The following DYRK4 variants were observed in gnomAD, a reference collection of about 807,000 sequenced individuals.
DYRK4 encodes the protein dual specificity tyrosine phosphorylation regulated kinase 4.
DYRK4 carries 64 observed loss-of-function variants against 68.3 expected under a neutral mutation model. The ratio of observed to expected loss-of-function variants is 0.94; its 90% confidence interval spans 0.77 to 1.15. The LOEUF (loss-of-function observed/expected upper bound fraction) is 1.15. DYRK4 is among the 50% of genes most tolerant of loss of function. The pLI, the probability that DYRK4 is intolerant of heterozygous loss-of-function variation, is 0.00. For missense variants in DYRK4, 740 were observed against 764.7 expected, an observed-to-expected ratio of 0.97 and a Z score of 0.38; for synonymous variants, 274 against 289.9, an observed-to-expected ratio of 0.95 and a Z score of 0.56.
intron 13 of DYRK4, among the ~76,000 whole-genome samples, chr12:4,611,024 T>C (rs1211337402): frequency 3.9e-5 from 6 of 152,218 alleles, no homozygotes; most frequent in Admixed American, 3.9e-4. Context: ...TGGGCCTCAG[T>C]GTTCTTTCCT....
intron 4 of DYRK4, 160 bp downstream of exon 4, chr12:4,590,600 G>A (rs1347264948): frequency 7.4e-7 from 1 of 1,342,934 alleles, no homozygotes; most frequent in Non-Finnish European, 9.5e-7. Context: ...CTATAAGCTT[G>A]AGCAAATAAG....
Position 4,591,416 on chromosome 12 carries a change from G to A in DYRK4, c.463+118G>A. ...GGTGTCAGAGTAGTCAAAGAAGGCA[G>A]CCAGCCAAGAGGAAAGTAGAAGTTA... On this transcript the variant is annotated intron_variant, in intron 5 of 14. Coordinates refer to ENST00000543431, the MANE Select transcript of DYRK4 (RefSeq NM_001394779.1). This position sits in a 1 kb window ranked among gnomAD's most constrained non-coding sequence, Gnocchi z 4.1. 7.1e-7 allele frequency: 1 copy of A among 1,399,406 alleles called. No individual in the cohort carries two copies. The highest frequency in any genetic ancestry group is 2.4e-5 in the East Asian group (1 of 42,304). 86.7% of individuals were successfully genotyped at this position (1,399,406 alleles called of 1,614,324 possible). A position where few individuals can be genotyped will look rare whatever the true frequency, so the allele number is the denominator to read the frequency against.
intron 3 of DYRK4, among the ~76,000 whole-genome samples, chr12:4,589,786 ATCAG>A (rs2137359999): frequency 6.6e-6 from 1 of 152,310 alleles, no homozygotes; most frequent in South Asian, 2.1e-4. Flanking sequence ...CTCCTGATTA[ATCAG>A]TCAATCAGTC....
Position 4,605,081 on chromosome 12 carries a change from A to G in DYRK4, c.1294A>G (p.Met432Val). 1.2e-6 allele frequency: 2 copies of G among 1,611,794 alleles called. No individual in the cohort carries two copies. Among genetic ancestry groups the G allele is most frequent in the Non-Finnish European group, 1.7e-6 (2 of 1,178,800 alleles). ...ENEVEQLACI[M>V]EVLGLPPAGF... The stretch of plus-strand genomic sequence containing the variant: ...TGAGGTGGAGCAGCTGGCCTGCATC[A>G]TGGAGGTACGCGGAGGGCTGGCGGT... The change falls in exon 11 of 15, where the codon ATG becomes GTG. Residue 432 changes from methionine to valine, a missense_variant. Coordinates refer to ENST00000543431, the MANE Select transcript of DYRK4 (RefSeq NM_001394779.1).
intron 2 of DYRK4, among the ~76,000 whole-genome samples, chr12:4,582,339 G>A (rs547724077): frequency 2.2e-4 from 33 of 152,330 alleles, no homozygotes; most frequent in African/African-American, 7.7e-4. Context: ...AGCTACTCGG[G>A]AGGCTGAGGC....
At chr12:4,581,584 A>G (rs1944842630) in intron 2 of DYRK4, among the ~76,000 whole-genome samples, 1 of 152,218 alleles carries the variant, frequency 6.6e-6, no homozygotes, top group African/African-American at 2.4e-5. Flanking sequence ...TGGGAATAGA[A>G]GCCACTAAGA....
chr12:4,565,742 C>T (rs866034276), intron 1 of DYRK4, among the ~76,000 whole-genome samples: 14 of 152,092 alleles, frequency 9.2e-5, no homozygotes, highest in African/African-American at 2.9e-4. Context: ...TCTCCTGCCT[C>T]ATCCTCCCGA....
chr12:4,569,963 G>T (rs1000085085), intron 2 of DYRK4, among the ~76,000 whole-genome samples: 1 of 151,750 alleles, frequency 6.6e-6, no homozygotes, highest in Admixed American at 6.6e-5. Context: ...AGCACTTTGG[G>T]AGGCTGAGGT....
intron 12 of DYRK4, 67 bp from the exon 13 acceptor site, chr12:4,610,085 AAGC>A: frequency 6.9e-7 from 1 of 1,441,078 alleles, no homozygotes; most frequent in Non-Finnish European, 9.3e-7. Context: ...AGGCCACTCT[AAGC>A]AGCAGCATCA....
At position 4,593,079 on chromosome 12, in the gene DYRK4, C is replaced by T; in HGVS notation, c.541C>T (p.Leu181=). 6.2e-7 allele frequency: 1 copy of T among 1,614,158 alleles called. No homozygotes were observed. The highest frequency in any genetic ancestry group is 8.5e-7 in the Non-Finnish European group (1 of 1,180,046). Residue 181 remains leucine, a synonymous_variant, in exon 6 of 15, where the codon CTG becomes TTG. Coordinates refer to ENST00000543431, the MANE Select transcript of DYRK4 (RefSeq NM_001394779.1). ...CCTGGGCTACGCGGAGCTGTGGTTC[C>T]TGGGTCTTGAAGCCAAGAAGCTCGA... ...EILGYAELWF[L]GLEAKKLDTA...
At chr12:4,589,328 G>T (rs1421681330) in intron 3 of DYRK4, among the ~76,000 whole-genome samples, 1 of 152,066 alleles carries the variant, frequency 6.6e-6, no homozygotes, top group Non-Finnish European at 1.5e-5. Context: ...TGGGGTATTT[G>T]TCCCCTCAGG....
intron 10 of DYRK4, 34 bp downstream of exon 10, chr12:4,599,822 T>C: frequency 6.3e-7 from 1 of 1,586,308 alleles, no homozygotes; most frequent in Non-Finnish European, 8.6e-7. Flanking sequence ...ATCTGAGTTT[T>C]CCTATTGCAA....
chr12:4,580,949 C>T, intron 2 of DYRK4: 1 of 450,318 alleles, frequency 2.2e-6, no homozygotes, highest in South Asian at 1.6e-5. Flanking sequence ...TGCAGAGAGT[C>T]CAGTTGCTAT....
Position 4,612,709 on chromosome 12 carries a change from A to G in DYRK4, c.1657A>G (p.Ser553Gly). The G allele has an allele frequency of 6.2e-7, 1 of 1,614,154 alleles. No homozygotes were observed. Among genetic ancestry groups the G allele is most frequent in the Non-Finnish European group, 8.5e-7 (1 of 1,180,000 alleles). ...CAAGGTTCAAGGCTGTCATCACTCG[A>G]GCAGAAAAGGTACAGCCTGTCAAAT... The part of the protein sequence containing the change: ...KDKVQGCHHS[S>G]RKDEITKETT... The change falls in exon 14 of 15, where the codon AGC becomes GGC. Residue 553 changes from serine to glycine, a missense_variant. Ser to Gly is a moderately conservative substitution (Grantham distance 56). Coordinates refer to ENST00000543431, the MANE Select transcript of DYRK4 (RefSeq NM_001394779.1).
At chr12:4,603,800 A>G (rs1945109212) in intron 10 of DYRK4, among the ~76,000 whole-genome samples, 1 of 152,224 alleles carries the variant, frequency 6.6e-6, no homozygotes, top group Admixed American at 6.5e-5. Flanking sequence ...AAAGCTGTGT[A>G]ACTTTTCAGT....
Position 4,610,216 on chromosome 12 carries a change from C to T in DYRK4, c.1422C>T (p.Ser474=), listed in dbSNP as rs767940556. 5.6e-6 allele frequency: 9 copies of T among 1,601,094 alleles called. No homozygotes were observed. The East Asian group carries it at 2.1e-4, about 37-fold the overall frequency. The change falls in exon 13 of 15, where the codon TCC becomes TCT. Residue 474 remains serine, a synonymous_variant. Transcript: ENST00000543431. ...GGGGGAAAAAAAGATACCCAGATTC[C>T]AAGGACCTCACGATGGTGCTGAAAA... is the stretch of plus-strand genomic sequence containing the variant. ...NNRGKKRYPD[S]KDLTMVLKTY...
chr12:4,604,841 G>A (rs1158631641), intron 10 of DYRK4, 73 bp from the exon 11 acceptor site: 55 of 1,458,144 alleles, frequency 3.8e-5, no homozygotes, highest in South Asian at 3.0e-4. Context: ...TAACTGAGAA[G>A]TTGTCCTGGG....
At chr12:4,586,918 A>G (rs1277820743) in intron 2 of DYRK4, among the ~76,000 whole-genome samples, 1 of 152,216 alleles carries the variant, frequency 6.6e-6, no homozygotes, top group Admixed American at 6.5e-5. Flanking sequence ...CAGTGTTTTG[A>G]GGTTGGTACT....
chr12:4,579,119 A>G (rs1944816011), intron 2 of DYRK4, among the ~76,000 whole-genome samples: 1 of 152,098 alleles, frequency 6.6e-6, no homozygotes, highest in Admixed American at 6.6e-5. Context: ...TACTAAAAAT[A>G]CAAAAATTAG....
Sources: gnomAD v4.1 joint callset for allele counts (sites outside exome capture counted in the v4.1 genomes callset) on GRCh38, gnomAD v4.1.1 for gene constraint, Gnocchi (gnomAD v3.1) non-coding constraint, MANE v1.5 for transcripts, NCBI Gene and HGNC (gene_info 2026-07-23, HGNC 2026-07-21) for gene names.